Variants in DNAAF11 observed in about 807,000 individuals in gnomAD.
The protein encoded by DNAAF11 is leucine rich repeat containing 6.
A neutral mutation model predicts 60.8 loss-of-function variants in DNAAF11; 45 were observed. That is an observed-to-expected ratio of 0.74 (90% CI 0.58 to 0.95). The LOEUF (loss-of-function observed/expected upper bound fraction) is 0.95, where lower values mean the gene tolerates loss of function less well. DNAAF11 is among the 40% of genes least tolerant of loss of function. DNAAF11 has a pLI of 0.00. For missense variants in DNAAF11, 546 were observed against 546.2 expected (o/e 1.00, Z 0.00); for synonymous variants, 191 against 183.5 (o/e 1.04, Z -0.33).
rs1286325726 is a variant in DNAAF11, at chr8:132,571,763, G to T, written c.*543C>A. ...CAGAGAATTAAAGGACTTGCTGAAG[G>T]TCTTTACAAAGTGATTGAGCTGGAA... On this transcript the variant is annotated 3_prime_UTR_variant, in exon 12 of 12. Coordinates refer to ENST00000620350, the MANE Select transcript of DNAAF11 (RefSeq NM_012472.6). Among the ~76,000 whole-genome samples the T allele has an allele frequency of 6.6e-6, 1 of 152,170 alleles. No individual in the cohort carries two copies. The highest frequency in any genetic ancestry group is 1.9e-4 in the East Asian group (1 of 5,194).
chr8:132,677,118 C>G (rs116551515), upstream of DNAAF11, among the ~76,000 whole-genome samples: 1 of 152,140 alleles, frequency 6.6e-6, no homozygotes, highest in African/African-American at 2.4e-5. Flanking sequence ...GCCACTGACA[C>G]GCTGACACTG....
chr8:132,649,367 T>C (rs562792460), intron 3 of DNAAF11, among the ~76,000 whole-genome samples: 10 of 152,010 alleles, frequency 6.6e-5, no homozygotes, highest in African/African-American at 1.7e-4. Flanking sequence ...AAAATTAATT[T>C]GAGATGGATT....
At chr8:132,629,358 T>A (rs79120324) in intron 5 of DNAAF11, among the ~76,000 whole-genome samples, 2,709 of 151,660 alleles carry the variant, frequency 0.018, 92 homozygotes, top group African/African-American at 0.061. Context: ...TTTTTCTTTT[T>A]TTTTTTTAAG....
At chr8:132,583,901 G>A in intron 10 of DNAAF11, 122 bp from the exon 11 acceptor site, 1 of 683,548 alleles carries the variant, frequency 1.5e-6, no homozygotes, top group Non-Finnish European at 2.5e-6. Context: ...CATATTCCAT[G>A]AAAGACTCAA....
intron 5 of DNAAF11, 99 bp from the exon 6 acceptor site, chr8:132,625,553 C>A: frequency 1.1e-6 from 1 of 886,736 alleles, no homozygotes; most frequent in Non-Finnish European, 1.7e-6. Context: ...CTTATGTGAT[C>A]TTCTTACCTT....
At chr8:132,594,327 C>T (rs1479805721) in intron 10 of DNAAF11, among the ~76,000 whole-genome samples, 1 of 152,092 alleles carries the variant, frequency 6.6e-6, no homozygotes, top group African/African-American at 2.4e-5. Context: ...CCATTTCATA[C>T]AGTAATCAAT....
intron 5 of DNAAF11, among the ~76,000 whole-genome samples, chr8:132,627,452 A>T (rs1820388911): frequency 6.6e-6 from 1 of 152,172 alleles, no homozygotes; most frequent in Non-Finnish European, 1.5e-5. Flanking sequence ...TTGCCTTCAA[A>T]CCTGCTCTCT....
intron 1 of DNAAF11, among the ~76,000 whole-genome samples, chr8:132,663,106 A>G (rs1824290738): frequency 6.6e-6 from 1 of 152,150 alleles, no homozygotes; most frequent in Non-Finnish European, 1.5e-5. Context: ...ACAGGCAGAG[A>G]TGGTCACAAA....
intron 3 of DNAAF11, chr8:132,643,439 G>C: frequency 2.9e-6 from 1 of 339,344 alleles, no homozygotes; most frequent in Non-Finnish European, 5.8e-6. Context: ...GGAGGAGGCA[G>C]GTAGGATAAG....
the DNAAF11 span, among the ~76,000 whole-genome samples, chr8:132,696,487 T>C: frequency 6.6e-6 from 1 of 152,168 alleles, no homozygotes; most frequent in Non-Finnish European, 1.5e-5. Context: ...GCATTTTTCA[T>C]AACCAAAGGG....
At chr8:132,687,266 G>C in the DNAAF11 span, among the ~76,000 whole-genome samples, 10 of 152,238 alleles carry the variant, frequency 6.6e-5, no homozygotes, top group South Asian at 2.1e-3. Flanking sequence ...TTACATGAGT[G>C]ATCAAATATC....
At chr8:132,592,748 A>G (rs956059597) in intron 10 of DNAAF11, among the ~76,000 whole-genome samples, 2 of 152,182 alleles carry the variant, frequency 1.3e-5, no homozygotes, top group African/African-American at 4.8e-5. Flanking sequence ...ATCTCTGCCA[A>G]GACAAAGACA....
rs755562327 is a variant in DNAAF11, at chr8:132,572,267, C to T, written c.*39G>A. 3.8e-6 allele frequency: 6 copies of T among 1,584,884 alleles called. No individual in the cohort carries two copies. The highest frequency in any genetic ancestry group is 3.5e-5 in the South Asian group (3 of 85,952). On this transcript the variant is annotated 3_prime_UTR_variant, in exon 12 of 12. Coordinates refer to ENST00000620350, the MANE Select transcript of DNAAF11 (RefSeq NM_012472.6). ...GGTCTCTACACCAACCAAAACTGGA[C>T]CTGGTGGGTCTCAGCCAATGGCAAC...
chr8:132,630,978 A>G (rs1031004526), intron 5 of DNAAF11, among the ~76,000 whole-genome samples: 2 of 152,222 alleles, frequency 1.3e-5, no homozygotes, highest in African/African-American at 4.8e-5. Context: ...GGCAATATGT[A>G]AAAAGTTGAA....
chr8:132,622,555 C>G (rs1563637716), intron 7 of DNAAF11, 56 bp downstream of exon 7: 1 of 1,280,718 alleles, frequency 7.8e-7, no homozygotes, highest in East Asian at 2.3e-5. Context: ...CAATGATTGA[C>G]CAACACCATT....
chr8:132,644,658 T>C (rs919331726), intron 3 of DNAAF11, among the ~76,000 whole-genome samples: 32 of 152,162 alleles, frequency 2.1e-4, no homozygotes, highest in African/African-American at 7.5e-4. Flanking sequence ...TCCAACAGTC[T>C]TAGCAAACAG....
chr8:132,612,160 T>C (rs1818729982), intron 8 of DNAAF11, among the ~76,000 whole-genome samples: 1 of 152,156 alleles, frequency 6.6e-6, no homozygotes, highest in South Asian at 2.1e-4. Flanking sequence ...CCACATTCCT[T>C]AACCTCTCTA....
At chr8:132,645,654 G>C (rs559767467) in intron 3 of DNAAF11, among the ~76,000 whole-genome samples, 2 of 152,266 alleles carry the variant, frequency 1.3e-5, no homozygotes, top group South Asian at 4.1e-4. Context: ...TAAATGACCT[G>C]ATGGAGCTGA....
In DNAAF11 at chr8:132,572,316, G is replaced by A. The variant is rs139131485; in HGVS notation, c.1391C>T (p.Pro464Leu). ...ACGCAGCCAGATGTTTCAAATCAGC[G>A]GAGGCACTTCAGGGTTGTCTTCAAA... is the stretch of plus-strand genomic sequence containing the variant. ...PTFEDNPEVP[P>L]LI is the part of the protein sequence containing the mutation. Residue 464 changes from proline (P) to leucine (L), a missense_variant, in exon 12 of 12, where the codon CCG (proline) becomes CTG (leucine). Physicochemically the swap from Pro to Leu is moderately conservative, Grantham distance 98. Transcript: ENST00000620350. 1,407 of 1,612,294 alleles carry A rather than the reference G, an allele frequency of 8.7e-4. 11 individuals are homozygous for A. The highest frequency in any genetic ancestry group is 8.3e-3 in the South Asian group (752 of 90,688).
Sources: gnomAD v4.1 joint callset for allele counts (sites outside exome capture counted in the v4.1 genomes callset) on GRCh38, gnomAD v4.1.1 for gene constraint, MANE v1.5 for transcripts, NCBI Gene and HGNC (gene_info 2026-07-23, HGNC 2026-07-21) for gene names.